The following FYB1 variants were observed in gnomAD, a reference collection of about 807,000 sequenced individuals.
FYB1 encodes the protein FYN binding protein 1.
In FYB1, 41 loss-of-function variants were observed where a neutral mutation model predicts 94.1. The observed-to-expected ratio is 0.44, with a 90% CI of 0.34 to 0.57. The LOEUF is 0.57. Ranked by LOEUF, FYB1 falls within the 20% of genes least tolerant of loss-of-function variation. The pLI, the probability that FYB1 is intolerant of heterozygous loss-of-function variation, is 0.02. For synonymous variants in FYB1, 367 were observed against 353.2 expected (o/e 1.04, Z -0.44); for missense variants, 1,050 against 976.8 (o/e 1.07, Z -1.00).
intron 3 of FYB1, among the ~76,000 whole-genome samples, chr5:39,142,387 A>G (rs1742269918): frequency 1.3e-5 from 2 of 152,082 alleles, no homozygotes. Flanking sequence ...TTCTTAACCC[A>G]CAAACTCATC....
rs945652862 is a variant in FYB1, at chr5:39,106,284, T to G, written c.*1159A>C. 1.3e-5 allele frequency: 2 copies of G among 152,194 alleles called. No individual in the cohort carries two copies. The highest frequency in any genetic ancestry group is 2.9e-5 in the Non-Finnish European group (2 of 68,016). The allele number at this position is 152,194 out of a possible 1,614,324, so 9.4% of individuals were successfully genotyped here. ...ATTAGTAGAAGAGCCAGCATTATGA[T>G]GTACTCATTTTGTACTCTAGGAGTT... On this transcript the variant is annotated 3_prime_UTR_variant, in exon 19 of 19. Transcript: ENST00000512982.
chr5:39,197,080 G>T (rs960151472), intron 2 of FYB1, among the ~76,000 whole-genome samples: 1 of 152,140 alleles, frequency 6.6e-6, no homozygotes, highest in Admixed American at 6.5e-5. Context: ...GAGGTAGAAG[G>T]CTATGAAAAC....
At chr5:39,272,895 G>A (rs955591981) in intron 1 of FYB1, among the ~76,000 whole-genome samples, 42 of 152,094 alleles carry the variant, frequency 2.8e-4, no homozygotes, top group Non-Finnish European at 5.0e-4. Flanking sequence ...GCAGATTAAG[G>A]TAATTTTTAG....
At chr5:39,166,762 C>T (rs1004008090) in intron 2 of FYB1, among the ~76,000 whole-genome samples, 6 of 151,570 alleles carry the variant, frequency 4.0e-5, no homozygotes, top group African/African-American at 9.7e-5. Context: ...AATATAGACG[C>T]GGACATAGAG....
In FYB1 at chr5:39,203,062, A is replaced by G; in HGVS notation, c.-27-75T>C. The stretch of plus-strand genomic sequence containing the variant: ...CACAGTTTAAAATACTATACCTTAC[A>G]GAGCTTCCTGGTTTGAGGCCTGCAG... On this transcript the variant is annotated intron_variant, in intron 1 of 18. Coordinates refer to ENST00000512982, the MANE Select transcript of FYB1 (RefSeq NM_001465.6). 2.3e-6 allele frequency: 3 copies of G among 1,321,100 alleles called. No homozygotes were observed. The Admixed American group carries it at 6.2e-5, about 27-fold the overall frequency. The allele number at this position is 1,321,100 out of a possible 1,614,324, so 81.8% of individuals were successfully genotyped here. A position where few individuals can be genotyped will look rare whatever the true frequency, so the allele number is the denominator to read the frequency against.
chr5:39,181,929 A>T (rs182275256), intron 2 of FYB1, among the ~76,000 whole-genome samples: 8 of 152,146 alleles, frequency 5.3e-5, no homozygotes, highest in Admixed American at 4.6e-4. Context: ...ACAAATTTTT[A>T]TGTGCACAAT....
At chr5:39,243,197 A>G (rs1213685738) in intron 1 of FYB1, among the ~76,000 whole-genome samples, 3 of 151,880 alleles carry the variant, frequency 2.0e-5, no homozygotes, top group Admixed American at 6.6e-5. Flanking sequence ...TTGGTGTTTT[A>G]GACATGAAGT....
chr5:39,212,524 A>G (rs545043046), intron 1 of FYB1, among the ~76,000 whole-genome samples: 1 of 152,222 alleles, frequency 6.6e-6, no homozygotes, highest in South Asian at 2.1e-4. Context: ...CCTTGTTCCC[A>G]TTCCATTTCT....
At chr5:39,233,755 G>C (rs1750845558) in intron 1 of FYB1, among the ~76,000 whole-genome samples, 1 of 152,136 alleles carries the variant, frequency 6.6e-6, no homozygotes, top group Non-Finnish European at 1.5e-5. Flanking sequence ...TTTGGTTGAA[G>C]TATATAAAGA....
intron 1 of FYB1, chr5:39,270,425 C>T (rs1752624469): frequency 1.6e-6 from 1 of 630,526 alleles, no homozygotes; most frequent in Non-Finnish European, 2.7e-6. Context: ...GCAGCTTCAT[C>T]AGCACAAGGA....
chr5:39,255,364 AC>A (rs1751892319), intron 1 of FYB1, among the ~76,000 whole-genome samples: 1 of 151,884 alleles, frequency 6.6e-6, no homozygotes, highest in Admixed American at 6.6e-5. Context: ...ACTGCCACCT[AC>A]ATTCTCTAAT....
At chr5:39,146,302 G>T (rs935240192) in intron 3 of FYB1, among the ~76,000 whole-genome samples, 2 of 152,036 alleles carry the variant, frequency 1.3e-5, no homozygotes, top group African/African-American at 4.8e-5. Context: ...TTGCTTCTCT[G>T]CATCATCCAT....
intron 1 of FYB1, among the ~76,000 whole-genome samples, chr5:39,210,558 CCT>C (rs1411844560): frequency 6.6e-6 from 1 of 152,182 alleles, no homozygotes; most frequent in African/African-American, 2.4e-5. Context: ...TTGTGTACCC[CCT>C]GTTTTTAGAA....
chr5:39,216,232 C>T (rs757520361), intron 1 of FYB1, among the ~76,000 whole-genome samples: 8 of 152,174 alleles, frequency 5.3e-5, no homozygotes, highest in Non-Finnish European at 1.2e-4. Context: ...CACGCCCTTA[C>T]AAAACTCCCA....
At chr5:39,249,606 A>C (rs1010962848) in intron 1 of FYB1, among the ~76,000 whole-genome samples, 2 of 152,198 alleles carry the variant, frequency 1.3e-5, no homozygotes, top group Non-Finnish European at 2.9e-5. Context: ...AAACTATAAT[A>C]GTGAGTCAAA....
intron 1 of FYB1, among the ~76,000 whole-genome samples, chr5:39,244,944 T>C (rs1292735162): frequency 6.6e-6 from 1 of 152,224 alleles, no homozygotes; most frequent in African/African-American, 2.4e-5. Context: ...GATTATAGTA[T>C]TATCTGATGG....
intron 1 of FYB1, among the ~76,000 whole-genome samples, chr5:39,218,333 T>C (rs1750038741): frequency 6.6e-6 from 1 of 152,108 alleles, no homozygotes; most frequent in African/African-American, 2.4e-5. Flanking sequence ...CCCTCACCTA[T>C]CACTTATGAT....
chr5:39,154,192 C>T (rs1379416871), intron 2 of FYB1, among the ~76,000 whole-genome samples: 3 of 152,062 alleles, frequency 2.0e-5, no homozygotes, highest in East Asian at 1.9e-4. Flanking sequence ...ATCAGCATAC[C>T]GTTGCTGGTA....
intron 2 of FYB1, among the ~76,000 whole-genome samples, chr5:39,174,615 T>C (rs534501260): frequency 1.3e-3 from 194 of 152,316 alleles, no homozygotes; most frequent in Non-Finnish European, 2.2e-3. Flanking sequence ...TAATAAATGA[T>C]TTACTCAAGG....
Sources: gnomAD v4.1 joint callset for allele counts (sites outside exome capture counted in the v4.1 genomes callset) on GRCh38, gnomAD v4.1.1 for gene constraint, MANE v1.5 for transcripts, NCBI Gene and HGNC (gene_info 2026-07-23, HGNC 2026-07-21) for gene names.